ZDHHC21: variants seen among roughly 807,000 people sequenced by gnomAD.
ZDHHC21 encodes the protein palmitoyltransferase ZDHHC21.
ZDHHC21 carries 15 observed loss-of-function variants against 34.6 expected under a neutral mutation model. The observed-to-expected ratio is 0.43, with a 90% CI of 0.29 to 0.67. The LOEUF (loss-of-function observed/expected upper bound fraction) is 0.67, where lower values mean the gene tolerates loss of function less well. ZDHHC21 is among the 30% of genes least tolerant of loss of function. The pLI is 0.14. For missense variants in ZDHHC21, 344 were observed against 327.7 expected, an observed-to-expected ratio of 1.05 and a Z score of -0.38; for synonymous variants, 142 against 101.8, an observed-to-expected ratio of 1.40 and a Z score of -2.38.
chr9:14,650,099 G>A (rs1005406993), intron 7 of ZDHHC21, among the ~76,000 whole-genome samples: 9 of 151,974 alleles, frequency 5.9e-5, no homozygotes, highest in African/African-American at 2.2e-4. Flanking sequence ...TCAACCTGGT[G>A]TTGTAGGACA....
At chr9:14,679,095 C>A (rs1203932097) in intron 3 of ZDHHC21, among the ~76,000 whole-genome samples, 1 of 152,036 alleles carries the variant, frequency 6.6e-6, no homozygotes, top group Non-Finnish European at 1.5e-5. Context: ...TTTATCAAAA[C>A]TCAGCATATG....
intron 5 of ZDHHC21, among the ~76,000 whole-genome samples, chr9:14,668,393 G>A (rs1834872386): frequency 1.5e-5 from 1 of 68,588 alleles, no homozygotes; most frequent in South Asian, 7.8e-4. Flanking sequence ...TCATGGGTAG[G>A]AAGAATCAAT....
intron 8 of ZDHHC21, among the ~76,000 whole-genome samples, chr9:14,628,453 C>T (rs1388125913): frequency 6.6e-6 from 1 of 152,106 alleles, no homozygotes; most frequent in Non-Finnish European, 1.5e-5. Context: ...AAAGAGACAA[C>T]ACTTATTTTG....
chr9:14,598,212 C>A, the ZDHHC21 span, among the ~76,000 whole-genome samples: 1 of 152,088 alleles, frequency 6.6e-6, no homozygotes, highest in Non-Finnish European at 1.5e-5. Context: ...GCCAACATAC[C>A]TAGCCAACTG....
At chr9:14,619,550 T>C (rs1824898336) in intron 9 of ZDHHC21, 89 bp downstream of exon 9, 1 of 1,058,778 alleles carries the variant, frequency 9.4e-7, no homozygotes, top group Non-Finnish European at 1.4e-6. Flanking sequence ...CATCATTATA[T>C]TATCTATCTA....
At chr9:14,667,127 A>T (rs973615588) in intron 5 of ZDHHC21, among the ~76,000 whole-genome samples, 47 of 124,184 alleles carry the variant, frequency 3.8e-4, no homozygotes, top group African/African-American at 1.4e-3. Flanking sequence ...AAAAAAAGAG[A>T]GAAGAATCAA....
At chr9:14,595,167 T>G in the ZDHHC21 span, among the ~76,000 whole-genome samples, 4 of 152,188 alleles carry the variant, frequency 2.6e-5, no homozygotes, top group African/African-American at 9.7e-5. Context: ...CTCTTAGGTA[T>G]CTACCCCAGA....
Position 14,613,675 on chromosome 9 carries a change from T to C in ZDHHC21, c.*5291A>G, listed in dbSNP as rs1823706065. On this transcript the variant is annotated 3_prime_UTR_variant, in exon 10 of 10. Coordinates refer to ENST00000380916, the MANE Select transcript of ZDHHC21 (RefSeq NM_178566.6). ...CAGATATTCAAAATACCAATAGAAA[T>C]GGAGACCTTCGAGGTATCAAGAACT... The C allele has an allele frequency of 6.6e-6, 1 of 151,784 alleles. No individual in the cohort carries two copies. Among genetic ancestry groups the C allele is most frequent in the African/African-American group, 2.4e-5 (1 of 41,408 alleles). The allele number at this position is 151,784 out of a possible 1,614,324, so 9.4% of individuals were successfully genotyped here.
intron 8 of ZDHHC21, among the ~76,000 whole-genome samples, chr9:14,634,346 G>A (rs1169151927): frequency 6.6e-6 from 1 of 152,118 alleles, no homozygotes; most frequent in East Asian, 1.9e-4. Flanking sequence ...CACCTGCCTG[G>A]CGCATTGCTG....
intron 3 of ZDHHC21, among the ~76,000 whole-genome samples, chr9:14,674,652 A>G (rs1587390517): frequency 6.6e-6 from 1 of 152,054 alleles, no homozygotes; most frequent in Non-Finnish European, 1.5e-5. Flanking sequence ...TATCACAGGT[A>G]TAAACTGGAA....
chr9:14,671,636 T>C (rs542926457), intron 5 of ZDHHC21, among the ~76,000 whole-genome samples: 38 of 152,112 alleles, frequency 2.5e-4, no homozygotes, highest in African/African-American at 9.2e-4. Context: ...TCCACTGTAA[T>C]GCTATGTCAA....
At chr9:14,650,663 CT>C (rs946875297) in intron 7 of ZDHHC21, among the ~76,000 whole-genome samples, 1 of 151,774 alleles carries the variant, frequency 6.6e-6, no homozygotes, top group East Asian at 1.9e-4. Context: ...CTGGCTATTT[CT>C]TTTTTTTGTT....
the ZDHHC21 span, among the ~76,000 whole-genome samples, chr9:14,594,715 G>C: frequency 1.3e-5 from 2 of 152,092 alleles, no homozygotes; most frequent in African/African-American, 4.8e-5. Context: ...CAAAAATTTT[G>C]TGCTTCAAAG....
rs1823609558 is a variant in ZDHHC21, at chr9:14,613,180, T to C, written c.*5786A>G. On this transcript the variant is annotated 3_prime_UTR_variant, in exon 10 of 10. Coordinates refer to ENST00000380916, the MANE Select transcript of ZDHHC21 (RefSeq NM_178566.6). ...TGAGAAACATTTAAAATCCATTAAA[T>C]TGCCAGAGCAGCATGCAAAAAATAA... 2 of 151,860 alleles carry C rather than the reference T, an allele frequency of 1.3e-5. No homozygotes were observed. Among genetic ancestry groups the C allele is most frequent in the African/African-American group, 4.8e-5 (2 of 41,408 alleles). The allele number at this position is 151,860 out of a possible 1,614,324, so 9.4% of individuals were successfully genotyped here. A position where few individuals can be genotyped will look rare whatever the true frequency, so the allele number is the denominator to read the frequency against.
At chr9:14,621,739 C>T (rs1825342945) in intron 8 of ZDHHC21, among the ~76,000 whole-genome samples, 1 of 151,894 alleles carries the variant, frequency 6.6e-6, no homozygotes, top group Non-Finnish European at 1.5e-5. Flanking sequence ...ACACCCAGAG[C>T]AATACAAATT....
rs1823542808 is a variant in ZDHHC21 at position 14,612,842 on chromosome 9, T to TCA, written c.*6123_*6124insTG. The TCA allele has an allele frequency of 1.3e-5, 1 of 78,428 alleles. No individual in the cohort carries two copies. Among genetic ancestry groups the TCA allele is most frequent in the Non-Finnish European group, 2.5e-5 (1 of 40,024 alleles). 4.9% of individuals were successfully genotyped at this position (78,428 alleles called of 1,614,324 possible). A position where few individuals can be genotyped will look rare whatever the true frequency, so the allele number is the denominator to read the frequency against. On this transcript the variant is annotated 3_prime_UTR_variant, in exon 10 of 10. Transcript: ENST00000380916. ...TATTATTCTTTAAAGCCACTAAAGA[T>TCA]TACACACACACACACACACACACAC...
the ZDHHC21 span, among the ~76,000 whole-genome samples, chr9:14,603,563 G>T: frequency 2.2e-4 from 33 of 152,140 alleles, no homozygotes; most frequent in Non-Finnish European, 1.2e-4. Context: ...TAACATGAAA[G>T]ATTTGGATTC....
intron 5 of ZDHHC21, 127 bp from the exon 6 acceptor site, chr9:14,662,453 C>G: frequency 1.5e-6 from 1 of 649,660 alleles, no homozygotes; most frequent in South Asian, 2.2e-5. Context: ...TTCTTCTAAG[C>G]CTTTGGTATA....
downstream of ZDHHC21, among the ~76,000 whole-genome samples, chr9:14,608,170 G>C (rs1490684680): frequency 6.6e-6 from 1 of 152,130 alleles, no homozygotes; most frequent in Admixed American, 6.5e-5. Flanking sequence ...GCTTACACAA[G>C]TTATAAAACA....
Sources: gnomAD v4.1 joint callset for allele counts (sites outside exome capture counted in the v4.1 genomes callset) on GRCh38, gnomAD v4.1.1 for gene constraint, MANE v1.5 for transcripts, NCBI Gene and HGNC (gene_info 2026-07-23, HGNC 2026-07-21) for gene names.